The following SEM1 variants were observed in gnomAD, a reference collection of about 807,000 sequenced individuals.
SEM1 encodes SEM1 26S proteasome subunit, also known as 26S proteasome complex subunit SEM1.
Under a neutral mutation model 12.7 loss-of-function variants are expected in SEM1, and 3 were observed. The ratio of observed to expected loss-of-function variants is 0.24; its 90% CI spans 0.11 to 0.61. SEM1 has a LOEUF of 0.61. Ranked by LOEUF, SEM1 falls within the 20% of genes least tolerant of loss-of-function variation. The pLI is 0.88. For synonymous variants in SEM1, 30 were observed against 27.8 expected (o/e 1.08, Z -0.25); for missense variants, 59 against 81.3 (o/e 0.73, Z 1.06).
rs977990439 is a variant in SEM1, at chr7:96,602,457, C to T, written c.170+92341G>A. Among the ~76,000 whole-genome samples the T allele has an allele frequency of 4.6e-5, 7 of 152,272 alleles. No homozygotes were observed. The East Asian group carries it at 1.4e-3, about 29-fold the overall frequency. ...ACCTGATCCATTTAGACAGGCTATG[C>T]ACTCTTCAGCTCACCAATATCTCCG... On this transcript the variant is annotated intron_variant and NMD_transcript_variant, in intron 2 of 3. Transcript: ENST00000466986.
chr7:96,618,943 C>T (rs1036665292), downstream of SEM1, among the ~76,000 whole-genome samples: 1 of 151,978 alleles, frequency 6.6e-6, no homozygotes, highest in East Asian at 1.9e-4. Context: ...AGAGAAAGAC[C>T]GTGTCTTAAA....
At chr7:96,663,050 ATT>A (rs946845330) in intron 2 of SEM1, among the ~76,000 whole-genome samples, 48 of 149,956 alleles carry the variant, frequency 3.2e-4, no homozygotes, top group African/African-American at 1.1e-3. Flanking sequence ...GTATTATGTG[ATT>A]TTGTTTTTTT....
rs1806510327 is a variant in SEM1 at position 96,583,926 on chromosome 7, T to C, written c.171-77228A>G. Among the ~76,000 whole-genome samples, 3 of 151,746 alleles carry C rather than the reference T, an allele frequency of 2.0e-5. No individual in the cohort carries two copies. In the South Asian group the frequency reaches 6.4e-4, roughly 32 times the overall value. ...TGATGGGTCTTGACTCTTTATCCAG[T>C]TTGCCAGTCTGTGTCTTTTAATTGG... On this transcript the variant is annotated intron_variant and NMD_transcript_variant, in intron 2 of 3. Coordinates refer to the SEM1 transcript ENST00000466986.
At chr7:96,653,566 A>C (rs929057286) in intron 2 of SEM1, 6 of 152,244 alleles carry the variant, frequency 3.9e-5, no homozygotes, top group African/African-American at 1.4e-4. Flanking sequence ...AGGAGGGCAA[A>C]TGGACTTACT....
In SEM1 at chr7:96,694,878, T is replaced by C; in HGVS notation, c.90A>G (p.Leu30=). ...AGACATGTGCATCTTCATCTTCATCTAAGCCAGCCCAGTCTAAAAATAGAA... is the reference window on the plus strand; with the variant it reads ...AGACATGTGCATCTTCATCTTCATCCAAGCCAGCCCAGTCTAAAAATAGAA... ...EEFPAEDWAG[L]DEDEDAHVWE... is the part of the protein sequence containing the mutation. Residue 30 remains leucine, a synonymous_variant, in exon 2 of 3, where the codon TTA becomes TTG. Coordinates refer to ENST00000248566, the MANE Select transcript of SEM1 (RefSeq NM_006304.2). 1 of 1,608,200 alleles carries C rather than the reference T, an allele frequency of 6.2e-7. No individual in the cohort carries two copies. Among genetic ancestry groups the C allele is most frequent in the Non-Finnish European group, 8.5e-7 (1 of 1,175,232 alleles).
chr7:96,648,442 C>T (rs1270049866), intron 2 of SEM1, among the ~76,000 whole-genome samples: 2 of 152,158 alleles, frequency 1.3e-5, no homozygotes, highest in Admixed American at 6.5e-5. Context: ...TAATTTCTGA[C>T]CACTTGCTAT....
intron 2 of SEM1, among the ~76,000 whole-genome samples, chr7:96,691,710 G>A (rs1349069145): frequency 6.6e-6 from 1 of 152,246 alleles, no homozygotes; most frequent in African/African-American, 2.4e-5. Context: ...AGGATTGTGC[G>A]AGGCTGTTTT....
intron 2 of SEM1, among the ~76,000 whole-genome samples, chr7:96,646,766 G>A (rs1808806383): frequency 6.6e-6 from 1 of 152,134 alleles, no homozygotes; most frequent in African/African-American, 2.4e-5. Flanking sequence ...TGAGATTAAA[G>A]ATACAATTGG....
chr7:96,524,995 A>G (rs941677974), intron 2 of SEM1, among the ~76,000 whole-genome samples: 1 of 152,124 alleles, frequency 6.6e-6, no homozygotes, highest in African/African-American at 2.4e-5. Context: ...CCACATTTCA[A>G]TTGCTCAACA....
At chr7:96,508,167 C>T (rs546209050) in intron 2 of SEM1, among the ~76,000 whole-genome samples, 41 of 151,938 alleles carry the variant, frequency 2.7e-4, no homozygotes, top group African/African-American at 7.5e-4. Context: ...GGAAAAAGAA[C>T]AAGATTAGGA....
chr7:96,594,415 A>G (rs910158724), intron 2 of SEM1, among the ~76,000 whole-genome samples: 1 of 152,100 alleles, frequency 6.6e-6, no homozygotes, highest in Non-Finnish European at 1.5e-5. Flanking sequence ...ACCATTAAAA[A>G]AAAATTAGCT....
intron 2 of SEM1, among the ~76,000 whole-genome samples, chr7:96,663,728 T>C (rs1436756051): frequency 6.6e-6 from 1 of 151,720 alleles, no homozygotes; most frequent in African/African-American, 2.4e-5. Context: ...AGAAAGGAAG[T>C]GAAAAAACAA....
rs1478156205 is a variant in SEM1 at position 96,532,634 on chromosome 7, TC to T, written c.171-25937del. On this transcript the variant is annotated intron_variant and NMD_transcript_variant, in intron 2 of 3. Transcript: ENST00000466986. ...TTCTTGCACCTGCATGAGGCTGTCT[TC>T]CATAACATGCTTAGCCAGGGTGTAG... is the stretch of plus-strand genomic sequence containing the variant. Among the ~76,000 whole-genome samples, 2 of 152,126 alleles carry T rather than the reference TC, an allele frequency of 1.3e-5. 1 individual carries two copies. Among genetic ancestry groups the T allele is most frequent in the African/African-American group, 4.8e-5 (2 of 41,442 alleles).
chr7:96,582,455 C>A (rs1303730316), intron 2 of SEM1, among the ~76,000 whole-genome samples: 5 of 150,262 alleles, frequency 3.3e-5, no homozygotes, highest in East Asian at 3.9e-4. Context: ...TGTCTCTGCC[C>A]GGCTTTGGTA....
intron 1 of SEM1, among the ~76,000 whole-genome samples, chr7:96,487,018 G>A (rs1298425544): frequency 6.6e-6 from 1 of 152,074 alleles, no homozygotes; most frequent in African/African-American, 2.4e-5. Flanking sequence ...ACAGCTTTTT[G>A]TCGTGTGCAT....
chr7:96,696,423 T>C (rs1790101259), intron 1 of SEM1: 1 of 152,010 alleles, frequency 6.6e-6, no homozygotes, highest in Non-Finnish European at 1.5e-5. Flanking sequence ...AATTATCTGA[T>C]AAATCTAGAT....
At position 96,694,936 on chromosome 7, in the gene SEM1, T is replaced by G. The variant is rs113092695; in HGVS notation, c.77-45A>C. Reference sequence around the variant, plus strand: ...CTGTCTAAATATTTCTCATACATTATTTCCACAATTACAAAAACTTTGAAA... The same window carrying G: ...CTGTCTAAATATTTCTCATACATTAGTTCCACAATTACAAAAACTTTGAAA... On this transcript the variant is annotated intron_variant, in intron 1 of 2. Transcript: ENST00000248566. 2.9e-3 allele frequency: 4,055 copies of G among 1,395,370 alleles called. 83 individuals are homozygous for G. The African/African-American group carries it at 0.051, about 18-fold the overall frequency. The allele number at this position is 1,395,370 out of a possible 1,614,324, so 86.4% of individuals were successfully genotyped here.
At chr7:96,518,177 G>A (rs1351130721) in intron 2 of SEM1, among the ~76,000 whole-genome samples, 1 of 152,100 alleles carries the variant, frequency 6.6e-6, no homozygotes, top group Non-Finnish European at 1.5e-5. Context: ...ATTGGCAATG[G>A]CATTGGATGC....
At chr7:96,709,621 A>C in intron 1 of SEM1, 67 bp downstream of exon 1, 1 of 1,517,526 alleles carries the variant, frequency 6.6e-7, no homozygotes. Flanking sequence ...CCGAGCACCC[A>C]AGCTACCTCC....
Sources: allele counts gnomAD v4.1 joint callset (sites outside exome capture counted in the v4.1 genomes callset), GRCh38; gene constraint gnomAD v4.1.1; transcripts MANE v1.5; gene names NCBI Gene and HGNC (gene_info 2026-07-23, HGNC 2026-07-21).